ROBO2: variants seen among roughly 807,000 people sequenced by gnomAD.
The protein encoded by ROBO2 is roundabout homolog 2.
Under a neutral mutation model 160.8 loss-of-function variants are expected in ROBO2, and 53 were observed. The ratio of observed to expected loss-of-function variants is 0.33; its 90% CI spans 0.26 to 0.41. ROBO2 has a LOEUF of 0.41. ROBO2 is among the 10% of genes least tolerant of loss of function. ROBO2 has a pLI of 1.00. For synonymous variants in ROBO2, 664 were observed against 611.7 expected, an observed-to-expected ratio of 1.09 and a Z score of -1.26; for missense variants, 1,577 against 1,722.4, an observed-to-expected ratio of 0.92 and a Z score of 1.49.
At chr3:77,213,201 G>T (rs946775143) in intron 2 of ROBO2, among the ~76,000 whole-genome samples, 11 of 152,068 alleles carry the variant, frequency 7.2e-5, no homozygotes, top group Non-Finnish European at 5.9e-5. Flanking sequence ...GAATCCATCT[G>T]GTTCTGGACT....
chr3:76,100,872 T>C (rs947287969), intron 2 of ROBO2, among the ~76,000 whole-genome samples: 2 of 152,238 alleles, frequency 1.3e-5, no homozygotes, highest in East Asian at 3.8e-4. Flanking sequence ...GGATTTATTA[T>C]GTGCCTATGA....
chr3:77,640,633 T>C (rs1402288615), intron 24 of ROBO2, among the ~76,000 whole-genome samples: 1 of 152,200 alleles, frequency 6.6e-6, no homozygotes, highest in Non-Finnish European at 1.5e-5. Flanking sequence ...TGGACTGTTG[T>C]GTGCCTGAAA....
chr3:77,614,753 C>CAAA (rs2094730034), intron 21 of ROBO2, among the ~76,000 whole-genome samples: 4 of 142,120 alleles, frequency 2.8e-5, no homozygotes, highest in African/African-American at 5.6e-5. Flanking sequence ...AACCAACCAA[C>CAAA]CAAACAAACA....
chr3:76,325,031 G>A (rs2072893918), intron 2 of ROBO2, among the ~76,000 whole-genome samples: 1 of 152,190 alleles, frequency 6.6e-6, no homozygotes, highest in Non-Finnish European at 1.5e-5. Flanking sequence ...CATGAACCCG[G>A]GAGGCGGAGC....
intron 2 of ROBO2, among the ~76,000 whole-genome samples, chr3:77,113,626 A>G (rs1015005626): frequency 1.3e-5 from 2 of 152,156 alleles, no homozygotes; most frequent in Non-Finnish European, 2.9e-5. Flanking sequence ...GAACTGTTCT[A>G]TTTCTGTGGA....
intron 2 of ROBO2, among the ~76,000 whole-genome samples, chr3:77,339,915 A>T (rs923749984): frequency 5.3e-5 from 8 of 152,002 alleles, no homozygotes; most frequent in Non-Finnish European, 7.4e-5. Flanking sequence ...GCTACTTTTT[A>T]TTGTTGATGC....
At chr3:76,881,386 G>A (rs1216398682) in intron 2 of ROBO2, among the ~76,000 whole-genome samples, 1 of 152,020 alleles carries the variant, frequency 6.6e-6, no homozygotes, top group East Asian at 1.9e-4. Context: ...AAATGTGCAG[G>A]GTCCTTAGAA....
At chr3:77,292,940 T>C (rs1000179819) in intron 2 of ROBO2, among the ~76,000 whole-genome samples, 2 of 150,344 alleles carry the variant, frequency 1.3e-5, no homozygotes, top group Non-Finnish European at 3.0e-5. Context: ...AAATTGACGA[T>C]TAAACGGTAA....
chr3:77,030,205 G>A lies in ROBO2; in HGVS notation c.110-67809G>A, dbSNP rs555881298. Among the ~76,000 whole-genome samples the A allele has an allele frequency of 3.3e-5, 5 of 152,226 alleles. No individual in the cohort carries two copies. The East Asian group carries it at 7.8e-4, about 24-fold the overall frequency. ...GTGATCCGCCTGCCTCGGCCTCCCA[G>A]AGTGCTGGGATTACAGGCGTAAGCC... On this transcript the variant is annotated intron_variant, in intron 2 of 26. Transcript: ENST00000487694.
intron 2 of ROBO2, among the ~76,000 whole-genome samples, chr3:76,516,595 C>A (rs1320916117): frequency 6.6e-6 from 1 of 152,018 alleles, no homozygotes; most frequent in Non-Finnish European, 1.5e-5. Flanking sequence ...CTTGTGTACT[C>A]TCCGTTCTTG....
intron 2 of ROBO2, among the ~76,000 whole-genome samples, chr3:77,242,000 C>T (rs74757947): frequency 0.029 from 4,377 of 152,254 alleles, 197 homozygotes; most frequent in East Asian, 0.21. Context: ...ACTTTGTAGA[C>T]ATTTTGCTAA....
Position 76,043,023 on chromosome 3 carries a change from G to A in ROBO2, c.109+105421G>A, listed in dbSNP as rs145059623. On this transcript the variant is annotated intron_variant, in intron 2 of 26. Transcript: ENST00000487694. ...GTCTGAGGGGTTTTGTCTGTGGCTCGTCCTGCTACACCCTTAATAGTTTCT... is the reference window on the plus strand; with the variant it reads ...GTCTGAGGGGTTTTGTCTGTGGCTCATCCTGCTACACCCTTAATAGTTTCT... 1.1e-4 allele frequency among the ~76,000 whole-genome samples: 16 copies of A among 152,016 alleles called. No homozygotes were observed. In the East Asian group the frequency reaches 1.9e-3, roughly 18 times the overall value.
At chr3:76,244,975 A>G (rs1278812846) in intron 2 of ROBO2, among the ~76,000 whole-genome samples, 1 of 152,198 alleles carries the variant, frequency 6.6e-6, no homozygotes, top group Non-Finnish European at 1.5e-5. Flanking sequence ...TGTTTCAACA[A>G]AATAGAATAT....
Position 77,315,161 on chromosome 3 carries a change from A to C in ROBO2, c.389-162253A>C, listed in dbSNP as rs572988590. Among the ~76,000 whole-genome samples the C allele has an allele frequency of 2.0e-5, 3 of 152,232 alleles. No homozygotes were observed. The East Asian group carries it at 5.8e-4, about 29-fold the overall frequency. ...GAGGAAACAAAATAAACCTTTTGCAAATTAATAATATGAACTTGGAACTAC... is the reference window on the plus strand; with the variant it reads ...GAGGAAACAAAATAAACCTTTTGCACATTAATAATATGAACTTGGAACTAC... On this transcript the variant is annotated intron_variant, in intron 2 of 25. Coordinates refer to ENST00000461745, the Ensembl canonical transcript of ROBO2.
At chr3:77,590,523 G>C (rs995045455) in intron 17 of ROBO2, among the ~76,000 whole-genome samples, 3 of 152,158 alleles carry the variant, frequency 2.0e-5, no homozygotes, top group Middle Eastern at 6.8e-3. Flanking sequence ...ACATCTCTGT[G>C]ATACACTCGT....
chr3:77,350,603 T>C (rs2068224980), intron 2 of ROBO2, among the ~76,000 whole-genome samples: 1 of 152,136 alleles, frequency 6.6e-6, no homozygotes, highest in Admixed American at 6.5e-5. Context: ...TTTTCTTGTA[T>C]AGAGTCTTAA....
At chr3:76,583,197 T>A (rs138705665) in intron 2 of ROBO2, among the ~76,000 whole-genome samples, 101 of 152,290 alleles carry the variant, frequency 6.6e-4, no homozygotes, top group Non-Finnish European at 1.2e-3. Flanking sequence ...TCCCTGAGGA[T>A]AGAGACTGTA....
At chr3:76,905,274 G>A (rs1164175103) in intron 2 of ROBO2, among the ~76,000 whole-genome samples, 2 of 152,058 alleles carry the variant, frequency 1.3e-5, no homozygotes, top group Admixed American at 6.6e-5. Flanking sequence ...AGAAAGGGGA[G>A]GCGTTATAAT....
chr3:76,962,854 C>T (rs909963301), intron 2 of ROBO2, among the ~76,000 whole-genome samples: 1 of 152,164 alleles, frequency 6.6e-6, no homozygotes, highest in South Asian at 2.1e-4. Flanking sequence ...ATTCTCTAGT[C>T]CTATTGCTGT....
Sources: allele counts gnomAD v4.1 joint callset (sites outside exome capture counted in the v4.1 genomes callset), GRCh38; gene constraint gnomAD v4.1.1; transcripts MANE v1.5; gene names NCBI Gene and HGNC (gene_info 2026-07-23, HGNC 2026-07-21).